Variants in MACROD2 observed in about 807,000 individuals in gnomAD.
MACROD2 encodes mono-ADP ribosylhydrolase 2.
In MACROD2, 36 loss-of-function variants were observed where a neutral mutation model predicts 70.4. The ratio of observed to expected loss-of-function variants is 0.51; its 90% CI spans 0.39 to 0.68. MACROD2 has a LOEUF of 0.68. Ranked by LOEUF, MACROD2 falls within the 30% of genes least tolerant of loss-of-function variation. The pLI is 0.00. For synonymous variants in MACROD2, 172 were observed against 178.8 expected (o/e 0.96, Z 0.30); for missense variants, 496 against 538.4 (o/e 0.92, Z 0.78).
At chr20:15,009,877 G>A (rs2075068770) in intron 5 of MACROD2, among the ~76,000 whole-genome samples, 1 of 150,800 alleles carries the variant, frequency 6.6e-6, no homozygotes, top group African/African-American at 2.4e-5. Context: ...CAACATAGAA[G>A]CAAGTGCTTT....
At chr20:16,035,474 C>T (rs1053511937) in intron 15 of MACROD2, among the ~76,000 whole-genome samples, 12 of 151,786 alleles carry the variant, frequency 7.9e-5, no homozygotes, top group African/African-American at 2.9e-4. Flanking sequence ...TATGTACACT[C>T]ACCATTTGTA....
At chr20:14,321,588 AC>A (rs1316731572) in intron 3 of MACROD2, among the ~76,000 whole-genome samples, 1 of 152,224 alleles carries the variant, frequency 6.6e-6, no homozygotes, top group Non-Finnish European at 1.5e-5. Flanking sequence ...AAATGCTGCT[AC>A]CATTTTCAGC....
chr20:16,025,613 G>T (rs1601342155), intron 15 of MACROD2, among the ~76,000 whole-genome samples: 1 of 152,134 alleles, frequency 6.6e-6, no homozygotes, highest in Non-Finnish European at 1.5e-5. Context: ...GCCGCCTGGG[G>T]ATGGCGGGTT....
At chr20:14,012,664 G>T (rs1443093606) in intron 2 of MACROD2, among the ~76,000 whole-genome samples, 1 of 152,146 alleles carries the variant, frequency 6.6e-6, no homozygotes, top group African/African-American at 2.4e-5. Context: ...GGCACTTTGT[G>T]TGGGTCTGTG....
intron 6 of MACROD2, among the ~76,000 whole-genome samples, chr20:15,347,790 A>C (rs756260991): frequency 6.6e-6 from 1 of 152,236 alleles, no homozygotes; most frequent in Non-Finnish European, 1.5e-5. Flanking sequence ...TTCCACTAGT[A>C]CATCTTCTAA....
intron 5 of MACROD2, among the ~76,000 whole-genome samples, chr20:15,067,681 A>G (rs950980930): frequency 1.3e-5 from 2 of 152,116 alleles, no homozygotes; most frequent in Non-Finnish European, 2.9e-5. Flanking sequence ...CTTTCAGATG[A>G]CTATGTTTTT....
chr20:15,739,988 T>C (rs2051080070), intron 8 of MACROD2, among the ~76,000 whole-genome samples: 1 of 152,242 alleles, frequency 6.6e-6, no homozygotes, highest in Non-Finnish European at 1.5e-5. Context: ...TGCAAACCAC[T>C]GTAAACAAAT....
At chr20:15,787,907 G>A (rs1256233014) in intron 8 of MACROD2, among the ~76,000 whole-genome samples, 3 of 151,998 alleles carry the variant, frequency 2.0e-5, no homozygotes, top group African/African-American at 4.8e-5. Context: ...TGAATTTGGG[G>A]GAATTGCAAT....
At chr20:14,903,727 C>T (rs1444926877) in intron 5 of MACROD2, among the ~76,000 whole-genome samples, 1 of 152,066 alleles carries the variant, frequency 6.6e-6, no homozygotes, top group Non-Finnish European at 1.5e-5. Flanking sequence ...TCTTAACAGA[C>T]TAGCGTAGGT....
At chr20:14,027,848 G>A (rs79492448) in intron 2 of MACROD2, among the ~76,000 whole-genome samples, 23,081 of 152,140 alleles carry the variant, frequency 0.15, 1,942 homozygotes, top group Admixed American at 0.22. Context: ...GGTGTCTGTC[G>A]ACCCCGGCTG....
At chr20:15,837,292 G>A (rs557735264) in intron 8 of MACROD2, among the ~76,000 whole-genome samples, 14 of 152,204 alleles carry the variant, frequency 9.2e-5, no homozygotes, top group East Asian at 1.9e-4. Flanking sequence ...TTGGGTAATC[G>A]GATCTTTTAA....
At chr20:14,942,454 C>G (rs2074398344) in intron 5 of MACROD2, among the ~76,000 whole-genome samples, 1 of 151,968 alleles carries the variant, frequency 6.6e-6, no homozygotes, top group South Asian at 2.1e-4. Context: ...TTCTCCTCCT[C>G]CTTTTTCTTC....
At chr20:14,921,467 A>T (rs531946397) in intron 5 of MACROD2, among the ~76,000 whole-genome samples, 2 of 152,198 alleles carry the variant, frequency 1.3e-5, no homozygotes, top group Non-Finnish European at 2.9e-5. Flanking sequence ...GATACATTTG[A>T]GCCATTTTGC....
intron 3 of MACROD2, among the ~76,000 whole-genome samples, chr20:14,412,735 C>A (rs577630717): frequency 1.3e-5 from 2 of 152,276 alleles, no homozygotes; most frequent in East Asian, 3.9e-4. Flanking sequence ...AAGTTCTTAG[C>A]ATGGGGTCTG....
chr20:14,440,123 C>G (rs970908427), intron 3 of MACROD2, among the ~76,000 whole-genome samples: 2 of 152,136 alleles, frequency 1.3e-5, no homozygotes, highest in Non-Finnish European at 2.9e-5. Context: ...GCTTTAGCAG[C>G]AAACTCCCTG....
At chr20:16,046,491 T>C (rs552480279) in intron 17 of MACROD2, among the ~76,000 whole-genome samples, 6 of 152,202 alleles carry the variant, frequency 3.9e-5, no homozygotes, top group African/African-American at 1.4e-4. Flanking sequence ...ACCCTTTTGC[T>C]GCCAATAAAC....
chr20:14,235,734 C>A (rs1287739560), intron 3 of MACROD2, among the ~76,000 whole-genome samples: 3 of 152,076 alleles, frequency 2.0e-5, no homozygotes, highest in Admixed American at 6.6e-5. Context: ...AATTTGATAT[C>A]ATTTCCTTTC....
intron 6 of MACROD2, among the ~76,000 whole-genome samples, chr20:15,242,210 C>T (rs191217628): frequency 1.2e-4 from 18 of 152,216 alleles, no homozygotes; most frequent in African/African-American, 3.9e-4. Context: ...AAACTATAGG[C>T]GGACCTCCAA....
Position 15,894,846 on chromosome 20 carries a change from A to G in MACROD2, c.775+9035A>G, listed in dbSNP as rs368611493. 2.0e-5 allele frequency among the ~76,000 whole-genome samples: 3 copies of G among 152,256 alleles called. No individual in the cohort carries two copies. The South Asian group carries it at 6.2e-4, about 32-fold the overall frequency. On this transcript the variant is annotated intron_variant, in intron 10 of 17. Transcript: ENST00000684519. ...AGAACCAGGAAAAAGGCCAGCTGCA[A>G]TAATTCACCCAAGATGTTAAGCTTT...
Sources: gnomAD v4.1 joint callset for allele counts (sites outside exome capture counted in the v4.1 genomes callset) on GRCh38, gnomAD v4.1.1 for gene constraint, MANE v1.5 for transcripts, NCBI Gene and HGNC (gene_info 2026-07-23, HGNC 2026-07-21) for gene names.